Variants in SH3GL2 observed in about 807,000 individuals in gnomAD.
SH3GL2 encodes the protein endophilin-A1.
Under a neutral mutation model 46.0 loss-of-function variants are expected in SH3GL2, and 24 were observed. The ratio of observed to expected loss-of-function variants is 0.52; its 90% CI spans 0.38 to 0.73. The LOEUF (loss-of-function observed/expected upper bound fraction) is 0.73. Among genes scored for constraint, SH3GL2 ranks in the 30% least tolerant of loss-of-function variants. The pLI, the probability that SH3GL2 is intolerant of heterozygous loss-of-function variation, is 0.00. For missense variants in SH3GL2, 413 were observed against 424.2 expected (o/e 0.97, Z 0.23); for synonymous variants, 196 against 147.1 (o/e 1.33, Z -2.40).
At chr9:17,579,474 C>T (rs984718981) in intron 1 of SH3GL2, among the ~76,000 whole-genome samples, 187 bp downstream of exon 1, 20 of 151,932 alleles carry the variant, frequency 1.3e-4, no homozygotes, top group Non-Finnish European at 2.4e-4. Flanking sequence ...CACCCTCGGT[C>T]CCCCGCCCCC....
At chr9:17,622,976 G>A (rs10125499) in intron 1 of SH3GL2, among the ~76,000 whole-genome samples, 28 of 78,712 alleles carry the variant, frequency 3.6e-4, no homozygotes, top group African/African-American at 9.8e-4. Context: ...TTTTCCTTTC[G>A]TTTCCTTTCG....
chr9:17,746,512 G>A (rs941337052), intron 1 of SH3GL2, among the ~76,000 whole-genome samples: 1 of 152,170 alleles, frequency 6.6e-6, no homozygotes, highest in East Asian at 1.9e-4. Flanking sequence ...ATATGTTTTG[G>A]CTTATGTACT....
chr9:17,775,357 A>G (rs1446655270), intron 3 of SH3GL2, among the ~76,000 whole-genome samples: 1 of 152,162 alleles, frequency 6.6e-6, no homozygotes, highest in Non-Finnish European at 1.5e-5. Context: ...ATTTTCTCCA[A>G]AAGTGGGAAA....
chr9:17,680,061 G>T (rs544619987), intron 1 of SH3GL2, among the ~76,000 whole-genome samples: 2 of 152,276 alleles, frequency 1.3e-5, no homozygotes, highest in African/African-American at 4.8e-5. Context: ...TTGCATCGAT[G>T]TTCATCAGGG....
chr9:17,786,620 A>G (rs1052294917), intron 4 of SH3GL2, 96 bp downstream of exon 4: 37 of 1,374,018 alleles, frequency 2.7e-5, no homozygotes, highest in Non-Finnish European at 3.4e-5. Context: ...AAATCATTTT[A>G]TATTTTGGTT....
chr9:17,781,327 T>A (rs1006438733), intron 3 of SH3GL2, among the ~76,000 whole-genome samples: 1 of 122,630 alleles, frequency 8.2e-6, no homozygotes, highest in Non-Finnish European at 1.7e-5. Context: ...TTGATGGGGT[T>A]GTTTGTTTTT....
chr9:17,656,952 G>GA (rs1030321234), intron 1 of SH3GL2, among the ~76,000 whole-genome samples: 18 of 150,902 alleles, frequency 1.2e-4, no homozygotes, highest in Non-Finnish European at 1.8e-4. Context: ...ATGACTTTCA[G>GA]AAAAAAAAAT....
chr9:17,706,495 C>T (rs934293345), intron 1 of SH3GL2, among the ~76,000 whole-genome samples: 2 of 152,038 alleles, frequency 1.3e-5, no homozygotes, highest in African/African-American at 4.8e-5. Context: ...CTAAAGAAAT[C>T]CATAGCTGGC....
At chr9:17,616,110 C>T (rs1244839864) in intron 1 of SH3GL2, among the ~76,000 whole-genome samples, 1 of 152,150 alleles carries the variant, frequency 6.6e-6, no homozygotes, top group Non-Finnish European at 1.5e-5. Flanking sequence ...ACTTATTCTA[C>T]ATCAGCCTTA....
intron 8 of SH3GL2, among the ~76,000 whole-genome samples, chr9:17,793,760 C>A (rs1344521741): frequency 6.6e-6 from 1 of 152,200 alleles, no homozygotes; most frequent in East Asian, 1.9e-4. Flanking sequence ...TCAGCACACA[C>A]GAACACATTT....
At chr9:17,594,635 TTAAAG>T (rs1260198987) in intron 1 of SH3GL2, among the ~76,000 whole-genome samples, 1 of 151,950 alleles carries the variant, frequency 6.6e-6, no homozygotes, top group East Asian at 1.9e-4. Flanking sequence ...ATCCTGGAAC[TTAAAG>T]TAAAATAAAA....
chr9:17,614,930 A>G (rs1344205220), intron 1 of SH3GL2, among the ~76,000 whole-genome samples: 1 of 152,200 alleles, frequency 6.6e-6, no homozygotes, highest in African/African-American at 2.4e-5. Flanking sequence ...AGGCTCCGCG[A>G]CAGCATTTCC....
chr9:17,642,683 G>C (rs1408442462), intron 1 of SH3GL2, among the ~76,000 whole-genome samples: 1 of 152,120 alleles, frequency 6.6e-6, no homozygotes, highest in Non-Finnish European at 1.5e-5. Context: ...TGCTATTTCT[G>C]AGGGCTCTGT....
chr9:17,760,829 C>G (rs896165724), intron 2 of SH3GL2, among the ~76,000 whole-genome samples: 3 of 152,048 alleles, frequency 2.0e-5, no homozygotes, highest in African/African-American at 7.2e-5. Flanking sequence ...AGGGGCCTGA[C>G]AAAGAGAACA....
At chr9:17,644,450 C>G (rs757680141) in intron 1 of SH3GL2, among the ~76,000 whole-genome samples, 13 of 152,146 alleles carry the variant, frequency 8.5e-5, no homozygotes, top group Non-Finnish European at 1.8e-4. Flanking sequence ...TTCCCTCTTT[C>G]TCCCGTGGGC....
intron 1 of SH3GL2, among the ~76,000 whole-genome samples, chr9:17,737,913 G>A (rs1318943632): frequency 6.6e-6 from 1 of 152,048 alleles, no homozygotes; most frequent in African/African-American, 2.4e-5. Flanking sequence ...CTAATCCCAT[G>A]TCTGTTCATC....
At chr9:17,778,157 A>G (rs936896037) in intron 3 of SH3GL2, among the ~76,000 whole-genome samples, 2 of 152,164 alleles carry the variant, frequency 1.3e-5, no homozygotes, top group Non-Finnish European at 2.9e-5. Flanking sequence ...ACTCTAAAAC[A>G]TCATTTGTAA....
intron 6 of SH3GL2, 141 bp downstream of exon 6, chr9:17,789,691 TA>T: frequency 2.8e-6 from 4 of 1,414,164 alleles, no homozygotes; most frequent in Non-Finnish European, 3.7e-6. Context: ...TTATTTTAAA[TA>T]ATTGTCAGTC....
At chr9:17,679,861 G>A (rs571343800) in intron 1 of SH3GL2, among the ~76,000 whole-genome samples, 134 of 152,192 alleles carry the variant, frequency 8.8e-4, no homozygotes, top group Non-Finnish European at 1.6e-3. Flanking sequence ...TTTGTCAAAG[G>A]CCTTTTCTGC....
Sources: gnomAD v4.1 joint callset for allele counts (sites outside exome capture counted in the v4.1 genomes callset) on GRCh38, gnomAD v4.1.1 for gene constraint, MANE v1.5 for transcripts, NCBI Gene and HGNC (gene_info 2026-07-23, HGNC 2026-07-21) for gene names.